Variants in KNL1 observed in about 807,000 individuals in gnomAD.
KNL1 encodes the protein outer kinetochore KNL1 complex subunit KNL1.
In KNL1, 66 loss-of-function variants were observed where a neutral mutation model predicts 201.3. The ratio of observed to expected loss-of-function variants is 0.33; its 90% CI spans 0.27 to 0.40. The LOEUF (loss-of-function observed/expected upper bound fraction) is 0.40, where lower values mean the gene tolerates loss of function less well. Ranked by LOEUF, KNL1 falls within the 10% of genes least tolerant of loss-of-function variation. The pLI is 1.00. For synonymous variants in KNL1, 895 were observed against 899.2 expected (o/e 1.00, Z 0.08); for missense variants, 2,815 against 2,690.5 (o/e 1.05, Z -1.02).
chr15:40,596,953 T>C (rs1193557534), intron 1 of KNL1, among the ~76,000 whole-genome samples: 1 of 144,418 alleles, frequency 6.9e-6, no homozygotes, highest in African/African-American at 2.6e-5. Flanking sequence ...TGAGCCAAGA[T>C]TGCGCCATTG....
chr15:40,613,071 C>G (rs1249767496), intron 7 of KNL1, among the ~76,000 whole-genome samples: 1 of 152,076 alleles, frequency 6.6e-6, no homozygotes, highest in African/African-American at 2.4e-5. Flanking sequence ...TCCTGAAGGT[C>G]CATCAGTAAG....
At chr15:40,638,799 C>CT (rs1210657788) in intron 13 of KNL1, among the ~76,000 whole-genome samples, 1 of 147,104 alleles carries the variant, frequency 6.8e-6, no homozygotes, top group Non-Finnish European at 1.5e-5. Context: ...GCTGCCATTT[C>CT]TTTTTTTTCT....
Position 40,625,219 on chromosome 15 carries a change from T to G in KNL1, c.4955T>G (p.Ile1652Ser), listed in dbSNP as rs1892703152. The change falls in exon 10 of 26, where the codon ATC becomes AGC. Residue 1652 changes from isoleucine to serine, a missense_variant. By Grantham distance (142) the Ile-to-Ser change is moderately radical (BLOSUM62 -2). Transcript: ENST00000399668. ...AAAGTAAGGAGATGTTCTTTGGGAATCTTTTTGCCTAGATTGCCCAACAAG... is the reference window on the plus strand; with the variant it reads ...AAAGTAAGGAGATGTTCTTTGGGAAGCTTTTTGCCTAGATTGCCCAACAAG... ...KDKVRRCSLG[I>S]FLPRLPNKRN... 2.5e-5 allele frequency: 40 copies of G among 1,614,006 alleles called. No homozygotes were observed. In the East Asian group the frequency reaches 8.9e-4, roughly 36 times the overall value.
chr15:40,641,036 G>A lies in KNL1; in HGVS notation c.5798+9G>A. On this transcript the variant is annotated intron_variant, in intron 14 of 25. Transcript: ENST00000399668. The stretch of plus-strand genomic sequence containing the variant: ...CGCCAAAAGATTGAAGAGTATGAAA[G>A]CTTTAATTTTTATGTGTGTTTTTTT... 1.3e-6 allele frequency: 2 copies of A among 1,561,216 alleles called. No homozygotes were observed. Among genetic ancestry groups the A allele is most frequent in the Non-Finnish European group, 1.8e-6 (2 of 1,137,338 alleles).
intron 24 of KNL1, among the ~76,000 whole-genome samples, chr15:40,659,004 T>C (rs921583967): frequency 6.6e-5 from 10 of 151,032 alleles, no homozygotes; most frequent in African/African-American, 2.4e-4. Context: ...TAAAATGAAA[T>C]TGTGCTGGGA....
chr15:40,610,703 G>A, intron 6 of KNL1: 1 of 455,500 alleles, frequency 2.2e-6, no homozygotes, highest in East Asian at 6.9e-5. Context: ...AACAAAAAAA[G>A]TATACCTTGA....
intron 2 of KNL1, 63 bp from the exon 3 acceptor site, chr15:40,605,047 G>A (rs1891928576): frequency 2.3e-6 from 2 of 859,968 alleles, no homozygotes; most frequent in African/African-American, 3.3e-5. Context: ...GTGCTGTGAT[G>A]ATGCCTTTTG....
Position 40,608,748 on chromosome 15 carries a change from A to G in KNL1, c.136-99A>G. 7.4e-6 allele frequency: 4 copies of G among 538,708 alleles called. No homozygotes were observed. In the East Asian group the frequency reaches 1.3e-4, roughly 17 times the overall value. 33.4% of individuals were successfully genotyped at this position (538,708 alleles called of 1,614,324 possible). A position where few individuals can be genotyped will look rare whatever the true frequency, so the allele number is the denominator to read the frequency against. On this transcript the variant is annotated intron_variant, in intron 4 of 25. Coordinates refer to ENST00000399668, the MANE Select transcript of KNL1 (RefSeq NM_144508.5). ...CAACAAGAGCGAAACTCCATCTCAA[A>G]AAAAAAAAAAAAAGGACTTGATCTC...
Position 40,662,871 on chromosome 15 carries a change from G to A in KNL1, c.*683G>A, listed in dbSNP as rs35684277. On this transcript the variant is annotated 3_prime_UTR_variant, in exon 26 of 26. Coordinates refer to ENST00000399668, the MANE Select transcript of KNL1 (RefSeq NM_144508.5). ...GCTACTTAGGAGCTTAAGGCAGGAG[G>A]ATCACTTGAGCCCAGGAGGCAGAGG... is the stretch of plus-strand genomic sequence containing the variant. 0.37 allele frequency: 65,615 copies of A among 175,524 alleles called. 13,090 individuals are homozygous for A. Among genetic ancestry groups the A allele is most frequent in the Non-Finnish European group, 0.44 (35,873 of 81,566 alleles). The allele number at this position is 175,524 out of a possible 1,614,324, so 10.9% of individuals were successfully genotyped here. A position where few individuals can be genotyped will look rare whatever the true frequency, so the allele number is the denominator to read the frequency against.
intron 4 of KNL1, among the ~76,000 whole-genome samples, chr15:40,607,423 C>G (rs1892012280): frequency 6.6e-6 from 1 of 152,138 alleles, no homozygotes; most frequent in African/African-American, 2.4e-5. Flanking sequence ...CTTCTAGGGC[C>G]TTAATCACAT....
At chr15:40,606,627 C>T (rs1891983730) in intron 4 of KNL1, among the ~76,000 whole-genome samples, 175 bp downstream of exon 4, 1 of 152,206 alleles carries the variant, frequency 6.6e-6, no homozygotes, top group African/African-American at 2.4e-5. Flanking sequence ...GGAATGGCAT[C>T]TCCCTCTCTT....
At chr15:40,598,776 T>C (rs1007408602) in intron 1 of KNL1, among the ~76,000 whole-genome samples, 5 of 152,156 alleles carry the variant, frequency 3.3e-5, no homozygotes, top group African/African-American at 4.8e-5. Flanking sequence ...TTACCTTCTA[T>C]TTCTCGTTTG....
rs993076534 is a variant in KNL1, at chr15:40,663,926, A to G, written c.*1738A>G. 1 of 191,260 alleles carries G rather than the reference A, an allele frequency of 5.2e-6. No individual in the cohort carries two copies. The allele number at this position is 191,260 out of a possible 1,614,324, so 11.8% of individuals were successfully genotyped here. ...TTACTTCTGAGCTATACGTCAAAAG[A>G]CACATAAGCTTCAAAAGTCAAGACA... On this transcript the variant is annotated 3_prime_UTR_variant, in exon 26 of 26. Coordinates refer to ENST00000399668, the MANE Select transcript of KNL1 (RefSeq NM_144508.5).
chr15:40,640,855 T>C, intron 13 of KNL1, 57 bp from the exon 14 acceptor site: 1 of 1,011,184 alleles, frequency 9.9e-7, no homozygotes, highest in South Asian at 1.4e-5. Context: ...AGTTAATTCT[T>C]ATATATGGTT....
intron 13 of KNL1, among the ~76,000 whole-genome samples, chr15:40,632,839 G>A (rs1048405301): frequency 2.0e-5 from 3 of 152,108 alleles, no homozygotes; most frequent in Admixed American, 2.0e-4. Flanking sequence ...GGGCAACATA[G>A]TGAGACCCCA....
At chr15:40,639,446 G>T (rs184801434) in intron 13 of KNL1, among the ~76,000 whole-genome samples, 1 of 151,774 alleles carries the variant, frequency 6.6e-6, no homozygotes, top group South Asian at 2.1e-4. Context: ...GTAGCCGGGC[G>T]TGGTGGCACA....
chr15:40,613,200 A>G (rs1197093194), intron 7 of KNL1, among the ~76,000 whole-genome samples: 1 of 152,238 alleles, frequency 6.6e-6, no homozygotes, highest in Non-Finnish European at 1.5e-5. Context: ...GCAAGACGCA[A>G]AACAAAGTAT....
intron 8 of KNL1, among the ~76,000 whole-genome samples, chr15:40,618,009 A>G (rs1406867779): frequency 7.7e-6 from 1 of 129,408 alleles, no homozygotes; most frequent in East Asian, 2.1e-4. Flanking sequence ...AAAAAAAAAA[A>G]AAAAAGCTTA....
chr15:40,654,980 A>T lies in KNL1; in HGVS notation c.6484+3A>T. On this transcript the variant is annotated splice_donor_region_variant and intron_variant, in intron 22 of 25. Coordinates refer to ENST00000399668, the MANE Select transcript of KNL1 (RefSeq NM_144508.5). ...CAATTTTCAATCTCTGTTAGATGGT[A>T]AGTAGAAAACATTTAAGCCTCTAAA... 1 of 1,609,212 alleles carries T rather than the reference A, an allele frequency of 6.2e-7. No individual in the cohort carries two copies. Among genetic ancestry groups the T allele is most frequent in the Non-Finnish European group, 8.5e-7 (1 of 1,176,228 alleles).
Sources: allele counts gnomAD v4.1 joint callset (sites outside exome capture counted in the v4.1 genomes callset), GRCh38; gene constraint gnomAD v4.1.1; transcripts MANE v1.5; gene names NCBI Gene and HGNC (gene_info 2026-07-23, HGNC 2026-07-21).